NOC3L: variants seen among roughly 807,000 people sequenced by gnomAD.
NOC3L encodes the protein nucleolar complex protein 3 homolog.
In NOC3L, 85 loss-of-function variants were observed where a neutral mutation model predicts 102.5. The ratio of observed to expected loss-of-function variants is 0.83; its 90% CI spans 0.70 to 0.99. The LOEUF (loss-of-function observed/expected upper bound fraction) is 0.99, where lower values mean the gene tolerates loss of function less well. NOC3L is among the 50% of genes least tolerant of loss of function. NOC3L has a pLI of 0.00. For synonymous variants in NOC3L, 303 were observed against 309.4 expected (o/e 0.98, Z 0.22); for missense variants, 878 against 914.9 (o/e 0.96, Z 0.52).
At chr10:94,351,025 AGT>A (rs1445648652) in intron 8 of NOC3L, among the ~76,000 whole-genome samples, 1 of 152,114 alleles carries the variant, frequency 6.6e-6, no homozygotes, top group Non-Finnish European at 1.5e-5. Flanking sequence ...ATTGCTTTTT[AGT>A]GTGTCTGCAT....
chr10:94,332,495 ATG>A (rs2054171008), downstream of NOC3L: 1 of 130,346 alleles, frequency 7.7e-6, no homozygotes, highest in African/African-American at 3.0e-5. Flanking sequence ...GCCTCAGGAT[ATG>A]TGTGTGCCTG....
chr10:94,317,869 T>C, the NOC3L span, among the ~76,000 whole-genome samples: 1 of 152,322 alleles, frequency 6.6e-6, no homozygotes, highest in African/African-American at 2.4e-5. Flanking sequence ...ACAATTTGAT[T>C]ACATAAATAT....
intron 13 of NOC3L, among the ~76,000 whole-genome samples, chr10:94,342,038 G>C (rs2054290969): frequency 6.6e-6 from 1 of 152,202 alleles, no homozygotes; most frequent in African/African-American, 2.4e-5. Flanking sequence ...ACTTCCTGAG[G>C]AAAGTTTAGG....
chr10:94,339,747 A>G lies in NOC3L; in HGVS notation c.1954T>C (p.Leu652=). The G allele has an allele frequency of 6.2e-7, 1 of 1,613,494 alleles. No homozygotes were observed. The highest frequency in any genetic ancestry group is 8.5e-7 in the Non-Finnish European group (1 of 1,179,606). The change falls in exon 17 of 21, where the codon TTA becomes CTA. Residue 652 remains leucine (L), a synonymous_variant. Transcript: ENST00000371361. ...TTTGTATCACTACTTACATGCATTA[A>G]TATTCTGGTAGTTGCTAAAATGCCA... ...SIGILATTRI[L]MHTFPKTDLL...
chr10:94,352,819 C>G (rs2054436587), intron 7 of NOC3L, 77 bp downstream of exon 7: 3 of 1,313,952 alleles, frequency 2.3e-6, no homozygotes, highest in Admixed American at 2.1e-5. Context: ...AAAACTCTGC[C>G]TCAAAAAAAA....
In NOC3L at chr10:94,339,800, G is replaced by C. The variant is rs779285778; in HGVS notation, c.1901C>G (p.Ala634Gly). The change falls in exon 17 of 21, where the codon GCT (alanine) becomes GGT (glycine). Residue 634 changes from alanine (A) to glycine (G), a missense_variant. By Grantham distance (60) the Ala-to-Gly change is moderately conservative. Transcript: ENST00000371361. ...ACTTGAATTTGGAAGAACATGAAGAGCAAGGGTACAAAGGCGTTTGATGAA... is the reference window on the plus strand; with the variant it reads ...ACTTGAATTTGGAAGAACATGAAGACCAAGGGTACAAAGGCGTTTGATGAA... ...LAFIKRLCTL[A>G]LHVLPNSSIG... 3.1e-6 allele frequency: 5 copies of C among 1,613,998 alleles called. No individual in the cohort carries two copies. In the African/African-American group the frequency reaches 6.7e-5, roughly 22 times the overall value.
chr10:94,346,300 A>C lies in NOC3L; in HGVS notation c.1389+125T>G, dbSNP rs867291170. ...GTAACAGGAAAAGATAAAATTCTCT[A>C]AATGATGTATTTCAAAACTTTTATG... On this transcript the variant is annotated intron_variant, in intron 11 of 20. Coordinates refer to ENST00000371361, the MANE Select transcript of NOC3L (RefSeq NM_022451.11). 42 of 614,098 alleles carry C rather than the reference A, an allele frequency of 6.8e-5. 1 individual carries two copies. In the Middle Eastern group the frequency reaches 5.1e-3, roughly 75 times the overall value. 38.0% of individuals were successfully genotyped at this position (614,098 alleles called of 1,614,324 possible).
chr10:94,359,742 A>G (rs2054531294), intron 2 of NOC3L, among the ~76,000 whole-genome samples: 1 of 152,170 alleles, frequency 6.6e-6, no homozygotes, highest in Admixed American at 6.5e-5. Context: ...GGCAGTAACA[A>G]TGCTGGCAAG....
chr10:94,327,546 A>AAGTT, the NOC3L span, among the ~76,000 whole-genome samples: 4 of 152,168 alleles, frequency 2.6e-5, no homozygotes, highest in Non-Finnish European at 5.9e-5. Context: ...AGCAAAAAGA[A>AAGTT]AGTTAGTTTA....
rs866357009 is a variant in NOC3L, at chr10:94,343,690, C to T, written c.1571+725G>A. ...TAGCTAGTCCAAATTAAGACACAAGCGTAAAATATAAGTGTTCGAAAATAT... is the reference window on the plus strand; with the variant it reads ...TAGCTAGTCCAAATTAAGACACAAGTGTAAAATATAAGTGTTCGAAAATAT... On this transcript the variant is annotated intron_variant, in intron 13 of 20. Transcript: ENST00000371361. 3.9e-5 allele frequency among the ~76,000 whole-genome samples: 6 copies of T among 151,998 alleles called. No individual in the cohort carries two copies. In the Middle Eastern group the frequency reaches 0.01, roughly 259 times the overall value.
Position 94,352,936 on chromosome 10 carries a change from T to C in NOC3L, c.818A>G (p.Tyr273Cys). The C allele has an allele frequency of 1.2e-6, 2 of 1,613,884 alleles. No individual in the cohort carries two copies. The highest frequency in any genetic ancestry group is 1.7e-6 in the Non-Finnish European group (2 of 1,179,800). Residue 273 changes from tyrosine (Y) to cysteine (C), a missense_variant, in exon 7 of 21, where the codon TAT (tyrosine) becomes TGT (cysteine). Physicochemically the swap from Tyr to Cys is radical, Grantham distance 194. Transcript: ENST00000371361. ...TGCTTCTGTGAGGGGCCGGATTTTA[T>C]ATGAAGGAGTAATATCTTTAAATAA... ...MELFKDITPS[Y>C]KIRPLTEAEK... is the part of the protein sequence containing the mutation.
the NOC3L span, among the ~76,000 whole-genome samples, chr10:94,319,670 C>CAAACT: frequency 6.6e-6 from 1 of 152,080 alleles, no homozygotes; most frequent in Non-Finnish European, 1.5e-5. Flanking sequence ...AATCTATATA[C>CAAACT]AAACTACCCT....
At chr10:94,340,250 A>T (rs540151419) in intron 16 of NOC3L, 26 bp downstream of exon 16, 1 of 1,563,750 alleles carries the variant, frequency 6.4e-7, no homozygotes, top group Non-Finnish European at 8.8e-7. Flanking sequence ...ATACATATAA[A>T]AGAAACATTA....
At chr10:94,334,593 T>C in intron 20 of NOC3L, 41 bp downstream of exon 20, 1 of 1,436,088 alleles carries the variant, frequency 7.0e-7, no homozygotes, top group Non-Finnish European at 9.7e-7. Flanking sequence ...GATACATTGG[T>C]TTCTATTTCT....
At chr10:94,320,971 CTTA>C in the NOC3L span, among the ~76,000 whole-genome samples, 12 of 152,148 alleles carry the variant, frequency 7.9e-5, no homozygotes, top group South Asian at 2.1e-4. Flanking sequence ...TTTGGTTTTT[CTTA>C]TTGATACGCT....
intron 14 of NOC3L, among the ~76,000 whole-genome samples, chr10:94,340,959 T>C (rs914559852): frequency 2.4e-4 from 34 of 142,526 alleles, no homozygotes; most frequent in Admixed American, 5.9e-4. Flanking sequence ...CCAGCCTGGG[T>C]GACAGAGCAA....
Position 94,337,852 on chromosome 10 carries a change from T to C in NOC3L, c.2114A>G (p.Gln705Arg). ...ALRRHYHPIV[Q>R]RFAAHLIAGA... ...AGCGATCAGGTGGGCTGCAAATCTCTGCACTATGGGATGATAATGCCTCTG... is the reference window on the plus strand; with the variant it reads ...AGCGATCAGGTGGGCTGCAAATCTCCGCACTATGGGATGATAATGCCTCTG... The change falls in exon 19 of 21, where the codon CAG (glutamine) becomes CGG (arginine). Residue 705 changes from glutamine (Q) to arginine (R), a missense_variant. Gln to Arg is a conservative substitution (Grantham distance 43, BLOSUM62 1). Coordinates refer to ENST00000371361, the MANE Select transcript of NOC3L (RefSeq NM_022451.11). 6.2e-7 allele frequency: 1 copy of C among 1,613,758 alleles called. No individual in the cohort carries two copies. Among genetic ancestry groups the C allele is most frequent in the Non-Finnish European group, 8.5e-7 (1 of 1,179,644 alleles).
At chr10:94,330,588 G>A (rs772704845), downstream of NOC3L, 1 of 151,834 alleles carries the variant, frequency 6.6e-6, no homozygotes, top group Non-Finnish European at 1.5e-5. Context: ...TATTGGGGAG[G>A]CTGAGGCAGG....
At chr10:94,337,744 G>A in intron 19 of NOC3L, 33 bp downstream of exon 19, 1 of 1,420,382 alleles carries the variant, frequency 7.0e-7, no homozygotes, top group Non-Finnish European at 9.9e-7. Flanking sequence ...GCTCAATTCT[G>A]TAGTTTTAGA....
Sources: gnomAD v4.1 joint callset for allele counts (sites outside exome capture counted in the v4.1 genomes callset) on GRCh38, gnomAD v4.1.1 for gene constraint, MANE v1.5 for transcripts, NCBI Gene and HGNC (gene_info 2026-07-23, HGNC 2026-07-21) for gene names.